Variants in ADGRE3 observed in about 807,000 individuals in gnomAD.
ADGRE3 encodes the protein EGF-like module receptor 3.
ADGRE3 carries 88 observed loss-of-function variants against 80.1 expected under a neutral mutation model. The observed-to-expected ratio is 1.10, with a 90% CI of 0.93 to 1.31. ADGRE3 has a LOEUF of 1.31. Ranked by LOEUF, ADGRE3 falls within the 40% of genes most tolerant of loss-of-function variation. The pLI is 0.00. For missense variants in ADGRE3, 715 were observed against 776.5 expected (o/e 0.92, Z 0.94); for synonymous variants, 281 against 294.8 (o/e 0.95, Z 0.48).
At chr19:14,612,559 T>G in the ADGRE3 span, among the ~76,000 whole-genome samples, 35 of 152,222 alleles carry the variant, frequency 2.3e-4, no homozygotes, top group Admixed American at 1.3e-3. Context: ...GGTTTTGAAC[T>G]CCTAGGCTCA....
chr19:14,603,194 T>C, the ADGRE3 span, among the ~76,000 whole-genome samples: 827 of 152,296 alleles, frequency 5.4e-3, 12 homozygotes, highest in African/African-American at 0.019. Context: ...TGGTGTACAT[T>C]TACTCTCAGT....
At chr19:14,618,990 C>A (rs369485979), downstream of ADGRE3, 2 of 201,804 alleles carry the variant, frequency 9.9e-6, no homozygotes, top group South Asian at 7.3e-5. Flanking sequence ...AATCCCAGCA[C>A]TTTGGGAAGC....
intron 5 of ADGRE3, among the ~76,000 whole-genome samples, chr19:14,656,353 C>CAA (rs747939718): frequency 7.3e-5 from 6 of 82,380 alleles, no homozygotes; most frequent in East Asian, 3.9e-4. Flanking sequence ...GACTCCATCT[C>CAA]AAAAAAAAAA....
chr19:14,648,146 A>C (rs1402519769), intron 7 of ADGRE3, among the ~76,000 whole-genome samples: 1 of 151,348 alleles, frequency 6.6e-6, no homozygotes, highest in African/African-American at 2.4e-5. Context: ...CATTTTCTGG[A>C]AACTTCAAAG....
At chr19:14,651,012 G>C in intron 7 of ADGRE3, 73 bp downstream of exon 7, 1 of 1,561,672 alleles carries the variant, frequency 6.4e-7, no homozygotes, top group South Asian at 1.1e-5. Flanking sequence ...GAGCCCAGTG[G>C]GCTTGTTTCC....
intron 11 of ADGRE3, among the ~76,000 whole-genome samples, chr19:14,634,551 C>T (rs1316916633): frequency 5.3e-5 from 8 of 152,078 alleles, no homozygotes; most frequent in Non-Finnish European, 1.0e-4. Context: ...GGATAATAGG[C>T]ACCAAACAGC....
At position 14,654,339 on chromosome 19, in the gene ADGRE3, C is replaced by T. The variant is rs568556108; in HGVS notation, c.577+643G>A. Among the ~76,000 whole-genome samples the T allele has an allele frequency of 2.7e-5, 4 of 150,806 alleles. No individual in the cohort carries two copies. The East Asian group carries it at 7.9e-4, about 30-fold the overall frequency. ...GTGGCAATGGCATGATCATAGTTCA[C>T]TGCACCCTCAAACTCCTGGACTCAA... On this transcript the variant is annotated intron_variant, in intron 6 of 15. Transcript: ENST00000253673.
the ADGRE3 span, chr19:14,607,182 C>A: frequency 1.9e-6 from 1 of 532,450 alleles, no homozygotes; most frequent in Non-Finnish European, 2.8e-6. Flanking sequence ...TGATGGAGTA[C>A]ATGGTTGAAG....
intron 4 of ADGRE3, among the ~76,000 whole-genome samples, chr19:14,660,742 G>A (rs1971925188): frequency 6.6e-6 from 1 of 151,994 alleles, no homozygotes; most frequent in Non-Finnish European, 1.5e-5. Context: ...TTCCATGGGA[G>A]TGGTCATGTT....
the ADGRE3 span, chr19:14,600,124 G>A: frequency 1.2e-5 from 19 of 1,614,006 alleles, no homozygotes; most frequent in Admixed American, 1.7e-5. Flanking sequence ...GATGAGGCCC[G>A]GATGTTCTGC....
At chr19:14,660,680 G>A (rs1971922889) in intron 4 of ADGRE3, among the ~76,000 whole-genome samples, 1 of 151,830 alleles carries the variant, frequency 6.6e-6, no homozygotes, top group South Asian at 2.1e-4. Context: ...TACCTCATGG[G>A]TGGTCTACCA....
In ADGRE3 at chr19:14,656,980, C is replaced by T. The variant is rs141147253; in HGVS notation, c.393+1533G>A. On this transcript the variant is annotated intron_variant, in intron 5 of 15. Transcript: ENST00000253673. ...ACGTGATCTCAGCTCACTGCAACCT[C>T]TGCCTCCTGGGTTCAAGTGATTCTC... Among the ~76,000 whole-genome samples the T allele has an allele frequency of 6.5e-3, 986 of 152,302 alleles. 6 individuals carry two copies. The highest frequency in any genetic ancestry group is 0.037 in the Middle Eastern group (11 of 294).
At chr19:14,601,999 A>G in the ADGRE3 span, among the ~76,000 whole-genome samples, 1 of 151,836 alleles carries the variant, frequency 6.6e-6, no homozygotes, top group African/African-American at 2.4e-5. Flanking sequence ...TCACTGTGTT[A>G]GCCAGGATGG....
chr19:14,652,754 G>A (rs1483180188), intron 6 of ADGRE3, among the ~76,000 whole-genome samples: 1 of 137,350 alleles, frequency 7.3e-6, no homozygotes, highest in African/African-American at 2.7e-5. Context: ...TCCAGCCTGG[G>A]CAATAGAATG....
chr19:14,669,859 C>A (rs1452220259), intron 1 of ADGRE3, among the ~76,000 whole-genome samples: 1 of 151,964 alleles, frequency 6.6e-6, no homozygotes, highest in African/African-American at 2.4e-5. Context: ...GTAGTTCTAT[C>A]TTTAGTTCTT....
chr19:14,672,533 T>C (rs1458434241), intron 1 of ADGRE3, among the ~76,000 whole-genome samples: 1 of 152,232 alleles, frequency 6.6e-6, no homozygotes, highest in African/African-American at 2.4e-5. Context: ...CCTCCACTGA[T>C]ACTGGCTGCC....
At chr19:14,610,389 C>T in the ADGRE3 span, 1 of 693,074 alleles carries the variant, frequency 1.4e-6, no homozygotes, top group South Asian at 1.9e-5. Flanking sequence ...TTGGGCTTGC[C>T]CTAGTAGATG....
At chr19:14,629,098 G>C (rs1970808905) in intron 14 of ADGRE3, among the ~76,000 whole-genome samples, 1 of 151,752 alleles carries the variant, frequency 6.6e-6, no homozygotes, top group Non-Finnish European at 1.5e-5. Context: ...TTGTTTTGTA[G>C]TTTTTAGTAG....
chr19:14,644,401 A>T, intron 8 of ADGRE3, 126 bp from the exon 9 acceptor site: 1 of 576,608 alleles, frequency 1.7e-6, no homozygotes. Context: ...GCTCACTGCA[A>T]CCTCCGCTTC....
Sources: gnomAD v4.1 joint callset for allele counts (sites outside exome capture counted in the v4.1 genomes callset) on GRCh38, gnomAD v4.1.1 for gene constraint, MANE v1.5 for transcripts, NCBI Gene and HGNC (gene_info 2026-07-23, HGNC 2026-07-21) for gene names.